CLMN: variants seen among roughly 807,000 people sequenced by gnomAD.
CLMN encodes calmin (calponin-like, transmembrane).
A neutral mutation model predicts 92.7 loss-of-function variants in CLMN; 57 were observed. The ratio of observed to expected loss-of-function variants is 0.61; its 90% confidence interval spans 0.50 to 0.77. The LOEUF (loss-of-function observed/expected upper bound fraction) is 0.77. CLMN is among the 30% of genes least tolerant of loss of function. The pLI is 0.00. For missense variants in CLMN, 1,158 were observed against 1,237.5 expected (o/e 0.94, Z 0.96); for synonymous variants, 466 against 470.6 (o/e 0.99, Z 0.13).
chr14:95,292,428 T>TCCCCCCCCCA (rs1263766978), intron 1 of CLMN, among the ~76,000 whole-genome samples: 1 of 74,058 alleles, frequency 1.4e-5, no homozygotes, highest in Non-Finnish European at 2.7e-5. Context: ...CCCCCAAGGG[T>TCCCCCCCCCA]CCCCCACCCC....
intron 6 of CLMN, among the ~76,000 whole-genome samples, chr14:95,211,296 C>T (rs893229789): frequency 1.3e-5 from 2 of 152,214 alleles, no homozygotes; most frequent in African/African-American, 4.8e-5. Context: ...AAGTCACCTA[C>T]CTCTCTGAGC....
At chr14:95,293,322 CTCCT>C (rs1258153903) in intron 1 of CLMN, among the ~76,000 whole-genome samples, 6 of 89,780 alleles carry the variant, frequency 6.7e-5, no homozygotes, top group Admixed American at 2.1e-4. Flanking sequence ...CCCTCCCTCC[CTCCT>C]TCCTTCCTTC....
intron 1 of CLMN, among the ~76,000 whole-genome samples, chr14:95,292,340 A>C (rs1205588481): frequency 6.6e-6 from 1 of 152,154 alleles, no homozygotes; most frequent in Non-Finnish European, 1.5e-5. Flanking sequence ...CTATTTTTAA[A>C]AGTCTCCAGA....
At chr14:95,197,042 G>A (rs879025428) in intron 9 of CLMN, among the ~76,000 whole-genome samples, 4 of 152,152 alleles carry the variant, frequency 2.6e-5, no homozygotes, top group Admixed American at 6.5e-5. Context: ...GGTGAAATGG[G>A]TACAATAATT....
At chr14:95,312,733 A>G (rs937955034) in intron 1 of CLMN, among the ~76,000 whole-genome samples, 1 of 152,192 alleles carries the variant, frequency 6.6e-6, no homozygotes, top group Non-Finnish European at 1.5e-5. Flanking sequence ...GACGTGGGAT[A>G]ACAATGACCA....
At chr14:95,262,982 C>T (rs1899318313) in intron 1 of CLMN, among the ~76,000 whole-genome samples, 1 of 152,208 alleles carries the variant, frequency 6.6e-6, no homozygotes, top group African/African-American at 2.4e-5. Flanking sequence ...CAGAGCACAG[C>T]TCTTAACCAC....
At chr14:95,290,973 C>T (rs147160186) in intron 1 of CLMN, among the ~76,000 whole-genome samples, 28 of 152,314 alleles carry the variant, frequency 1.8e-4, no homozygotes, top group African/African-American at 6.5e-4. Context: ...GACACAAACA[C>T]GTGCTTGCCA....
chr14:95,206,005 G>T (rs945902456), intron 8 of CLMN, among the ~76,000 whole-genome samples: 1 of 152,154 alleles, frequency 6.6e-6, no homozygotes, highest in Non-Finnish European at 1.5e-5. Flanking sequence ...GACAGAGTTT[G>T]TCAGAATAAA....
At chr14:95,278,932 C>A (rs1441243070) in intron 1 of CLMN, among the ~76,000 whole-genome samples, 1 of 152,180 alleles carries the variant, frequency 6.6e-6, no homozygotes, top group Non-Finnish European at 1.5e-5. Context: ...CTAAAAACTG[C>A]ATGCTTTCCT....
At chr14:95,234,947 G>A (rs1482696039) in intron 1 of CLMN, among the ~76,000 whole-genome samples, 1 of 152,158 alleles carries the variant, frequency 6.6e-6, no homozygotes, top group Non-Finnish European at 1.5e-5. Context: ...TCTACATATT[G>A]ATAATATTTC....
chr14:95,195,802 G>T (rs1324390697), intron 10 of CLMN, among the ~76,000 whole-genome samples: 1 of 46,836 alleles, frequency 2.1e-5, no homozygotes, highest in Non-Finnish European at 6.6e-5. Context: ...ACTGACTATT[G>T]TGACGATGAG....
intron 1 of CLMN, among the ~76,000 whole-genome samples, chr14:95,319,120 T>TA (rs1315143933): frequency 3.3e-5 from 5 of 152,042 alleles, no homozygotes; most frequent in Admixed American, 6.5e-5. Context: ...TCTCCCCAGT[T>TA]AGAGTCCTGA....
At chr14:95,217,618 G>A (rs1363010299) in intron 4 of CLMN, among the ~76,000 whole-genome samples, 2 of 152,214 alleles carry the variant, frequency 1.3e-5, no homozygotes, top group African/African-American at 4.8e-5. Flanking sequence ...TCGCCTGCTC[G>A]TCTCCTAAGC....
In CLMN at chr14:95,285,031, T is replaced by C. The variant is rs145910003; in HGVS notation, c.82+34680A>G. ...GTGGGAGGGACCCAGGGGGAGGTAA[T>C]TGAATCATGGGGGCCAGTCTTTCTC... On this transcript the variant is annotated intron_variant, in intron 1 of 12. Coordinates refer to ENST00000298912, the MANE Select transcript of CLMN (RefSeq NM_024734.4). Among the ~76,000 whole-genome samples the C allele has an allele frequency of 2.1e-3, 319 of 152,274 alleles. 1 individual carries two copies. Among genetic ancestry groups the C allele is most frequent in the African/African-American group, 7.1e-3 (297 of 41,542 alleles).
intron 1 of CLMN, among the ~76,000 whole-genome samples, chr14:95,245,222 A>G (rs1456595227): frequency 6.0e-5 from 2 of 33,416 alleles, no homozygotes; most frequent in Non-Finnish European, 9.1e-5. Flanking sequence ...ATATATATAT[A>G]TATTATATAT....
At chr14:95,283,215 AG>A (rs1267318592) in intron 1 of CLMN, among the ~76,000 whole-genome samples, 4 of 152,198 alleles carry the variant, frequency 2.6e-5, no homozygotes, top group African/African-American at 9.7e-5. Flanking sequence ...TGGGTTTATC[AG>A]GGGTTTTTGC....
In CLMN at chr14:95,254,266, T is replaced by C. The variant is rs551045825; in HGVS notation, c.83-24133A>G. On this transcript the variant is annotated intron_variant, in intron 1 of 12. Transcript: ENST00000298912. ...GCCACCCCCCAAGGTCAGCAGTGTA[T>C]AGCACTCACTAGACAGCGGGTGCAG... is the stretch of plus-strand genomic sequence containing the variant. Among the ~76,000 whole-genome samples, 124 of 152,278 alleles carry C rather than the reference T, an allele frequency of 8.1e-4. 1 individual carries two copies. In the South Asian group the frequency reaches 0.015, roughly 18 times the overall value.
At chr14:95,285,008 G>A (rs978797000) in intron 1 of CLMN, among the ~76,000 whole-genome samples, 1 of 152,120 alleles carries the variant, frequency 6.6e-6, no homozygotes, top group Admixed American at 6.5e-5. Context: ...CACGTGTTGT[G>A]GGAGGGACCC....
intron 1 of CLMN, among the ~76,000 whole-genome samples, chr14:95,244,070 T>C (rs998990489): frequency 6.6e-6 from 1 of 152,164 alleles, no homozygotes; most frequent in Non-Finnish European, 1.5e-5. Context: ...GGTACTTGCT[T>C]CCCCTTCGCC....
Sources: allele counts gnomAD v4.1 joint callset (sites outside exome capture counted in the v4.1 genomes callset), GRCh38; gene constraint gnomAD v4.1.1; transcripts MANE v1.5; gene names NCBI Gene and HGNC (gene_info 2026-07-23, HGNC 2026-07-21).